The following HEPHL1 variants were observed in gnomAD, a reference collection of about 807,000 sequenced individuals.
HEPHL1 encodes the protein ferroxidase HEPHL1.
In HEPHL1, 123 loss-of-function variants were observed where a neutral mutation model predicts 122.0. The observed-to-expected ratio is 1.01, with a 90% CI of 0.87 to 1.17. The LOEUF is 1.17. Among genes scored for constraint, HEPHL1 ranks in the 50% most tolerant of loss-of-function variants. The pLI, the probability that HEPHL1 is intolerant of heterozygous loss-of-function variation, is 0.00. For missense variants in HEPHL1, 1,452 were observed against 1,430.5 expected, an observed-to-expected ratio of 1.01 and a Z score of -0.24; for synonymous variants, 527 against 508.9, an observed-to-expected ratio of 1.04 and a Z score of -0.48.
intron 17 of HEPHL1, 107 bp from the exon 18 acceptor site, chr11:94,110,796 C>T (rs1946442010): frequency 9.0e-6 from 7 of 781,192 alleles, no homozygotes; most frequent in South Asian, 6.1e-5. Flanking sequence ...TTCTTATGTC[C>T]TTCCTTTTGC....
At chr11:94,058,793 T>G (rs1945961504) in intron 2 of HEPHL1, among the ~76,000 whole-genome samples, 1 of 152,142 alleles carries the variant, frequency 6.6e-6, no homozygotes, top group African/African-American at 2.4e-5. Flanking sequence ...CTCAAACTCC[T>G]GGCCTCTAGC....
chr11:94,047,691 C>T (rs77717282), intron 2 of HEPHL1, among the ~76,000 whole-genome samples: 3,858 of 152,150 alleles, frequency 0.025, 135 homozygotes, highest in East Asian at 0.093. Context: ...TTGTGCCTGC[C>T]TTTTCAAATA....
chr11:94,051,721 T>C (rs1352998908), intron 2 of HEPHL1, among the ~76,000 whole-genome samples: 1 of 152,170 alleles, frequency 6.6e-6, no homozygotes, highest in Non-Finnish European at 1.5e-5. Flanking sequence ...CCCAGACTAA[T>C]GTCCTGGAGA....
chr11:94,026,165 T>G (rs1293625971), intron 1 of HEPHL1, among the ~76,000 whole-genome samples: 1 of 152,136 alleles, frequency 6.6e-6, no homozygotes, highest in African/African-American at 2.4e-5. Context: ...GTCACAAGAT[T>G]GCTGTTGGAT....
chr11:94,064,623 CA>C (rs1946018973), intron 4 of HEPHL1, 113 bp downstream of exon 4: 3 of 699,068 alleles, frequency 4.3e-6, no homozygotes, highest in Admixed American at 5.8e-5. Flanking sequence ...ATTTATAACT[CA>C]GGGATGACCA....
intron 13 of HEPHL1, among the ~76,000 whole-genome samples, chr11:94,100,539 A>T (rs1232263020): frequency 6.6e-6 from 1 of 152,262 alleles, no homozygotes; most frequent in Non-Finnish European, 1.5e-5. Context: ...TGGGTAAACA[A>T]ATATTGAGAA....
At chr11:94,105,868 G>A in intron 16 of HEPHL1, 123 bp from the exon 17 acceptor site, 1 of 579,878 alleles carries the variant, frequency 1.7e-6, no homozygotes. Flanking sequence ...AGGGGTGAGT[G>A]AGATTGTTGC....
intron 9 of HEPHL1, among the ~76,000 whole-genome samples, chr11:94,081,388 C>A (rs1946169222): frequency 6.6e-6 from 1 of 152,154 alleles, no homozygotes; most frequent in Non-Finnish European, 1.5e-5. Flanking sequence ...TAGCAAACCA[C>A]CATGGCACAT....
intron 16 of HEPHL1, 41 bp downstream of exon 16, chr11:94,104,791 C>T: frequency 1.4e-6 from 2 of 1,425,256 alleles, no homozygotes; most frequent in East Asian, 2.3e-5. Context: ...TTGAGATAAG[C>T]TCATAGGAAT....
At chr11:94,067,886 G>A in intron 5 of HEPHL1, 136 bp downstream of exon 5, 1 of 708,004 alleles carries the variant, frequency 1.4e-6, no homozygotes, top group South Asian at 2.0e-5. Flanking sequence ...AAATATACAG[G>A]AAAATATAAC....
At chr11:94,038,260 T>C (rs1230602594) in intron 1 of HEPHL1, among the ~76,000 whole-genome samples, 2 of 149,954 alleles carry the variant, frequency 1.3e-5, no homozygotes, top group Non-Finnish European at 3.0e-5. Flanking sequence ...TACCTGAAAG[T>C]GATGGGGAGA....
intron 1 of HEPHL1, among the ~76,000 whole-genome samples, chr11:94,036,396 C>T (rs1945723560): frequency 6.6e-6 from 1 of 152,166 alleles, no homozygotes; most frequent in Non-Finnish European, 1.5e-5. Flanking sequence ...AGAGAAGAAT[C>T]AAAGAGGATC....
intron 2 of HEPHL1, among the ~76,000 whole-genome samples, chr11:94,051,234 C>T (rs1945887579): frequency 6.6e-6 from 1 of 152,116 alleles, no homozygotes; most frequent in Non-Finnish European, 1.5e-5. Context: ...TCAAACTGCT[C>T]TCCCTAGTGG....
At chr11:94,103,820 T>G in intron 15 of HEPHL1, among the ~76,000 whole-genome samples, 1 of 152,162 alleles carries the variant, frequency 6.6e-6, no homozygotes, top group East Asian at 1.9e-4. Flanking sequence ...AGTTCTAGAG[T>G]TCAGGAGATA....
chr11:94,056,187 A>G (rs1336879989), intron 2 of HEPHL1, among the ~76,000 whole-genome samples: 2 of 152,144 alleles, frequency 1.3e-5, no homozygotes, highest in African/African-American at 4.8e-5. Context: ...TGTTATTGAT[A>G]TAGCCTCTTA....
intron 1 of HEPHL1, among the ~76,000 whole-genome samples, chr11:94,027,473 C>T (rs935606269): frequency 6.6e-6 from 1 of 152,198 alleles, no homozygotes; most frequent in African/African-American, 2.4e-5. Context: ...AAGACCTTGG[C>T]TGGTCACATT....
chr11:94,108,595 G>C (rs7124402), intron 17 of HEPHL1, among the ~76,000 whole-genome samples: 101,736 of 151,644 alleles, frequency 0.67, 34,264 homozygotes, highest in Admixed American at 0.75. Context: ...ATGAAATAAG[G>C]TTCATTTTTT....
chr11:94,046,047 A>G (rs933108566), intron 2 of HEPHL1, 130 bp downstream of exon 2: 3 of 555,400 alleles, frequency 5.4e-6, no homozygotes, highest in Admixed American at 3.6e-5. Context: ...CTGCTTCTCC[A>G]TCCATCTCCA....
intron 10 of HEPHL1, among the ~76,000 whole-genome samples, chr11:94,084,779 A>G (rs1047815936): frequency 1.3e-5 from 2 of 152,104 alleles, no homozygotes; most frequent in African/African-American, 4.8e-5. Context: ...ACATTATCAA[A>G]GATTTTTTTT....
Sources: gnomAD v4.1 joint callset for allele counts (sites outside exome capture counted in the v4.1 genomes callset) on GRCh38, gnomAD v4.1.1 for gene constraint, MANE v1.5 for transcripts, NCBI Gene and HGNC (gene_info 2026-07-23, HGNC 2026-07-21) for gene names.